The following DIP2C variants were observed in gnomAD, a reference collection of about 807,000 sequenced individuals.
DIP2C encodes disco-interacting protein 2 homolog C.
DIP2C carries 33 observed loss-of-function variants against 192.4 expected under a neutral mutation model. The ratio of observed to expected loss-of-function variants is 0.17; its 90% CI spans 0.13 to 0.23. The LOEUF is 0.23. DIP2C is among the 10% of genes least tolerant of loss of function. The probability of loss-of-function intolerance (pLI) is 1.00; values close to 1 mark genes in which losing one functional copy is unlikely to be tolerated. For missense variants in DIP2C, 1,537 were observed against 2,110.1 expected, an observed-to-expected ratio of 0.73 and a Z score of 5.32; for synonymous variants, 979 against 864.1, an observed-to-expected ratio of 1.13 and a Z score of -2.33.
intron 10 of DIP2C, among the ~76,000 whole-genome samples, chr10:398,251 C>T (rs1309874111): frequency 6.6e-6 from 1 of 152,132 alleles, no homozygotes; most frequent in Non-Finnish European, 1.5e-5. Flanking sequence ...CTCTCTGAAG[C>T]CTGCTGCCTG....
intron 5 of DIP2C, 120 bp downstream of exon 5, chr10:422,703 GC>G: frequency 2.4e-6 from 3 of 1,225,622 alleles, no homozygotes; most frequent in Non-Finnish European, 3.4e-6. Flanking sequence ...CACCCCAGGG[GC>G]CAGAGGAGCT....
chr10:391,494 G>A lies in DIP2C; in HGVS notation c.1261-631C>T, dbSNP rs186361443. ...CAGGTGGCTCCAGGCTGCCAGCTCC[G>A]GTTTGGGAAGGTCAGACCTGAACAG... is the stretch of plus-strand genomic sequence containing the variant. On this transcript the variant is annotated intron_variant, in intron 10 of 36. Coordinates refer to ENST00000280886, the MANE Select transcript of DIP2C (RefSeq NM_014974.3). 2.1e-3 allele frequency among the ~76,000 whole-genome samples: 320 copies of A among 152,332 alleles called. 1 individual carries two copies. Among genetic ancestry groups the A allele is most frequent in the Middle Eastern group, 0.014 (4 of 294 alleles).
intron 17 of DIP2C, among the ~76,000 whole-genome samples, chr10:378,440 T>C (rs1004552004): frequency 4.6e-5 from 7 of 152,162 alleles, no homozygotes; most frequent in African/African-American, 1.7e-4. Context: ...CAGGCATGCA[T>C]AAAGACACGT....
chr10:674,266 CAT>C (rs1940778208), intron 1 of DIP2C, among the ~76,000 whole-genome samples: 1 of 152,144 alleles, frequency 6.6e-6, no homozygotes, highest in African/African-American at 2.4e-5. Flanking sequence ...GATGGAAAAA[CAT>C]GTTTCACATT....
intron 1 of DIP2C, among the ~76,000 whole-genome samples, chr10:686,320 G>C (rs1023472552): frequency 6.9e-6 from 1 of 145,554 alleles, no homozygotes; most frequent in Non-Finnish European, 1.5e-5. Flanking sequence ...CTCCACCTGC[G>C]GGGCCTCTCC....
chr10:574,327 T>C (rs1850011108), intron 1 of DIP2C, among the ~76,000 whole-genome samples: 1 of 152,172 alleles, frequency 6.6e-6, no homozygotes, highest in African/African-American at 2.4e-5. Context: ...TAACCAAGGA[T>C]AGGAAACTGC....
intron 4 of DIP2C, among the ~76,000 whole-genome samples, chr10:438,646 A>G (rs750161021): frequency 5.9e-5 from 9 of 151,456 alleles, no homozygotes; most frequent in Non-Finnish European, 1.3e-4. Context: ...ACACACCACC[A>G]TGCCTGGCTG....
At chr10:525,993 G>A (rs139764831) in intron 1 of DIP2C, among the ~76,000 whole-genome samples, 11 of 152,254 alleles carry the variant, frequency 7.2e-5, no homozygotes, top group Admixed American at 2.0e-4. Context: ...TGGAACCCCC[G>A]CACACCACCT....
At chr10:278,555 C>G (rs184647502) in intron 36 of DIP2C, among the ~76,000 whole-genome samples, 2 of 152,340 alleles carry the variant, frequency 1.3e-5, no homozygotes, top group East Asian at 3.9e-4. Context: ...TGAGCCAGCC[C>G]CTTGAACGCA....
chr10:686,764 C>A (rs1261048478), intron 1 of DIP2C, among the ~76,000 whole-genome samples: 1 of 152,272 alleles, frequency 6.6e-6, no homozygotes, highest in East Asian at 1.9e-4. Flanking sequence ...AGCCCTCGGC[C>A]CCGCAGCAGG....
intron 1 of DIP2C, among the ~76,000 whole-genome samples, chr10:538,429 A>G (rs575030765): frequency 2.0e-5 from 3 of 152,322 alleles, no homozygotes; most frequent in Admixed American, 1.3e-4. Context: ...CCCTAGAACT[A>G]TAGGCATGAG....
intron 1 of DIP2C, among the ~76,000 whole-genome samples, chr10:573,162 A>C (rs949461958): frequency 6.6e-6 from 1 of 152,198 alleles, no homozygotes; most frequent in Non-Finnish European, 1.5e-5. Flanking sequence ...ATGTCACCTC[A>C]AAAGGCAAAG....
chr10:513,398 A>C (rs1469994403), intron 1 of DIP2C, among the ~76,000 whole-genome samples: 1 of 152,238 alleles, frequency 6.6e-6, no homozygotes, highest in Non-Finnish European at 1.5e-5. Flanking sequence ...CAAGGACGGA[A>C]GTCTCCCCTT....
chr10:372,792 C>A lies in DIP2C; in HGVS notation c.1992-3159G>T, dbSNP rs1453122072. On this transcript the variant is annotated intron_variant, in intron 17 of 36. Transcript: ENST00000280886. ...AGGTGGGCACAGAAGCGCGGGAGCT[C>A]CCGGCACACAGGCAGGCACAGAAGC... Among the ~76,000 whole-genome samples the A allele has an allele frequency of 2.0e-5, 3 of 152,116 alleles. No homozygotes were observed. The East Asian group carries it at 5.8e-4, about 29-fold the overall frequency.
intron 1 of DIP2C, among the ~76,000 whole-genome samples, chr10:609,476 GTC>G (rs1157303100): frequency 6.6e-6 from 1 of 152,164 alleles, no homozygotes; most frequent in Non-Finnish European, 1.5e-5. Flanking sequence ...ATCAGCATCA[GTC>G]TCTCCTTTCA....
At chr10:520,442 A>G (rs1846627401) in intron 1 of DIP2C, among the ~76,000 whole-genome samples, 1 of 152,272 alleles carries the variant, frequency 6.6e-6, no homozygotes, top group Admixed American at 6.5e-5. Flanking sequence ...CTGCATACAA[A>G]AAAAATTCTA....
intron 4 of DIP2C, among the ~76,000 whole-genome samples, chr10:430,910 T>G (rs1966849812): frequency 6.6e-6 from 1 of 152,234 alleles, no homozygotes. Flanking sequence ...GGTCTGTGAC[T>G]AGGTTTGGTG....
chr10:548,665 G>C (rs1389008271), intron 1 of DIP2C, among the ~76,000 whole-genome samples: 1 of 151,490 alleles, frequency 6.6e-6, no homozygotes, highest in Non-Finnish European at 1.5e-5. Flanking sequence ...GATGTGGCCG[G>C]GGGAGGAGAC....
intron 32 of DIP2C, among the ~76,000 whole-genome samples, chr10:294,917 CAG>C (rs1272594692): frequency 3.3e-5 from 5 of 152,040 alleles, no homozygotes; most frequent in Admixed American, 2.0e-4. Context: ...ACTCACCAGA[CAG>C]GGGATTAATA....
Sources: gnomAD v4.1 joint callset for allele counts (sites outside exome capture counted in the v4.1 genomes callset) on GRCh38, gnomAD v4.1.1 for gene constraint, MANE v1.5 for transcripts, NCBI Gene and HGNC (gene_info 2026-07-23, HGNC 2026-07-21) for gene names.